The following IFTAP variants were observed in gnomAD, a reference collection of about 807,000 sequenced individuals.
IFTAP encodes intraflagellar transport associated protein.
A neutral mutation model predicts 19.4 loss-of-function variants in IFTAP; 19 were observed. That is an observed-to-expected ratio of 0.98 (90% confidence interval 0.68 to 1.44). The LOEUF (loss-of-function observed/expected upper bound fraction) is 1.44, where lower values mean the gene tolerates loss of function less well. Ranked by LOEUF, IFTAP falls within the 40% of genes most tolerant of loss-of-function variation. IFTAP has a pLI of 0.00. For missense variants in IFTAP, 240 were observed against 253.6 expected, an observed-to-expected ratio of 0.95 and a Z score of 0.36; for synonymous variants, 85 against 83.5, an observed-to-expected ratio of 1.02 and a Z score of -0.10.
At chr11:36,602,714 T>C (rs1003286128) in intron 1 of IFTAP, among the ~76,000 whole-genome samples, 1 of 152,152 alleles carries the variant, frequency 6.6e-6, no homozygotes, top group Non-Finnish European at 1.5e-5. Flanking sequence ...GGCTGAAATA[T>C]GGGTATGGCA....
chr11:36,610,297 G>T (rs1565008142), intron 2 of IFTAP, 58 bp downstream of exon 2: 4 of 1,459,024 alleles, frequency 2.7e-6, no homozygotes, highest in Non-Finnish European at 3.7e-6. Flanking sequence ...TATTATAAGT[G>T]TATGTTTTTG....
chr11:36,654,661 T>C (rs1400179624), intron 5 of IFTAP, among the ~76,000 whole-genome samples: 1 of 152,162 alleles, frequency 6.6e-6, no homozygotes, highest in African/African-American at 2.4e-5. Context: ...GTTTCAAGTT[T>C]GTATATTCAA....
chr11:36,653,499 T>C (rs2133540406), intron 5 of IFTAP, among the ~76,000 whole-genome samples: 1 of 152,304 alleles, frequency 6.6e-6, no homozygotes, highest in East Asian at 1.9e-4. Context: ...TAAATCATAA[T>C]TTCAGTTTGT....
At chr11:36,607,717 A>T (rs971859940) in intron 1 of IFTAP, among the ~76,000 whole-genome samples, 5 of 151,860 alleles carry the variant, frequency 3.3e-5, no homozygotes, top group Non-Finnish European at 7.4e-5. Context: ...CTTGTTGCCT[A>T]GGACGGAGTG....
At chr11:36,621,355 A>T (rs1031290087) in intron 2 of IFTAP, among the ~76,000 whole-genome samples, 1 of 151,998 alleles carries the variant, frequency 6.6e-6, no homozygotes, top group African/African-American at 2.4e-5. Context: ...CCAAACTCTT[A>T]TATGAAAATC....
chr11:36,653,375 A>G (rs1853828874), intron 5 of IFTAP, among the ~76,000 whole-genome samples: 1 of 152,198 alleles, frequency 6.6e-6, no homozygotes. Context: ...CCTGAAATCC[A>G]CATATTTCTT....
At chr11:36,645,025 G>A (rs1590230595) in intron 4 of IFTAP, among the ~76,000 whole-genome samples, 1 of 151,544 alleles carries the variant, frequency 6.6e-6, no homozygotes, top group African/African-American at 2.4e-5. Context: ...ATAAAGAAGT[G>A]ATCTGGACGG....
intron 2 of IFTAP, among the ~76,000 whole-genome samples, chr11:36,630,920 T>C (rs1852700839): frequency 6.6e-6 from 1 of 151,294 alleles, no homozygotes; most frequent in Admixed American, 6.6e-5. Context: ...CCTTTCATCC[T>C]TCAGTTAACT....
At chr11:36,598,366 T>G (rs1358485343) in intron 1 of IFTAP, 2 of 152,202 alleles carry the variant, frequency 1.3e-5, no homozygotes, top group East Asian at 3.9e-4. Flanking sequence ...GATTTAACTC[T>G]TTCACTACTA....
chr11:36,622,740 C>G (rs1416544230), intron 2 of IFTAP, among the ~76,000 whole-genome samples: 1 of 152,056 alleles, frequency 6.6e-6, no homozygotes, highest in Non-Finnish European at 1.5e-5. Flanking sequence ...GGTTCTATTT[C>G]TCTGATACGA....
intron 2 of IFTAP, among the ~76,000 whole-genome samples, chr11:36,628,536 G>T (rs1328455139): frequency 6.6e-6 from 1 of 151,226 alleles, no homozygotes; most frequent in Non-Finnish European, 1.5e-5. Context: ...TTCCTAGTTT[G>T]TAAACTCTGT....
rs532817333 is a variant in IFTAP at position 36,635,240 on chromosome 11, G to A, written c.292-811G>A. Among the ~76,000 whole-genome samples the A allele has an allele frequency of 2.6e-5, 4 of 152,228 alleles. No homozygotes were observed. The South Asian group carries it at 8.3e-4, about 32-fold the overall frequency. On this transcript the variant is annotated intron_variant, in intron 3 of 5. Coordinates refer to ENST00000334307, the MANE Select transcript of IFTAP (RefSeq NM_138787.4). ...CATGTTTAGGTCATGAGCATAAAAG[G>A]CATTGCAACCTTATTCCTTTACTAG...
At chr11:36,608,467 A>C (rs963315299) in intron 1 of IFTAP, among the ~76,000 whole-genome samples, 1 of 152,220 alleles carries the variant, frequency 6.6e-6, no homozygotes, top group African/African-American at 2.4e-5. Context: ...TATACTGGCT[A>C]CTTAGGCAGT....
At chr11:36,654,402 C>T (rs1418882627) in intron 5 of IFTAP, among the ~76,000 whole-genome samples, 3 of 151,956 alleles carry the variant, frequency 2.0e-5, no homozygotes, top group Admixed American at 6.6e-5. Context: ...AGGTTTGTTA[C>T]ACATGTATAC....
intron 2 of IFTAP, among the ~76,000 whole-genome samples, chr11:36,614,592 C>T (rs1851999428): frequency 6.7e-6 from 1 of 148,546 alleles, no homozygotes; most frequent in Non-Finnish European, 1.5e-5. Flanking sequence ...TGTTTCCTGA[C>T]TTTTTAATGA....
chr11:36,645,472 C>G (rs1022210970), intron 4 of IFTAP, among the ~76,000 whole-genome samples: 2 of 151,994 alleles, frequency 1.3e-5, no homozygotes, highest in Non-Finnish European at 1.5e-5. Context: ...GAAACAACAC[C>G]TATATGATCA....
chr11:36,659,203 G>GC lies in IFTAP; in HGVS notation c.*17_*18insC. 6.5e-7 allele frequency: 1 copy of GC among 1,541,796 alleles called. No homozygotes were observed. Among genetic ancestry groups the GC allele is most frequent in the Non-Finnish European group, 8.7e-7 (1 of 1,146,702 alleles). ...TGTGACTGATTCACAGAGGCATTTT[G>GC]TGTGTGTGTGCTTATTTTAATTTTG... On this transcript the variant is annotated 3_prime_UTR_variant, in exon 6 of 6. Transcript: ENST00000334307.
intron 2 of IFTAP, among the ~76,000 whole-genome samples, chr11:36,623,643 C>A (rs938745260): frequency 1.3e-5 from 2 of 152,156 alleles, no homozygotes; most frequent in Non-Finnish European, 2.9e-5. Context: ...GGGAAATGTC[C>A]TTGCTACTTC....
At chr11:36,615,335 G>A (rs1481817203) in intron 2 of IFTAP, among the ~76,000 whole-genome samples, 37 of 31,566 alleles carry the variant, frequency 1.2e-3, no homozygotes, top group Non-Finnish European at 1.6e-3. Context: ...TTGTAGTATA[G>A]TTTGAAGTCA....
Sources: gnomAD v4.1 joint callset for allele counts (sites outside exome capture counted in the v4.1 genomes callset) on GRCh38, gnomAD v4.1.1 for gene constraint, MANE v1.5 for transcripts, NCBI Gene and HGNC (gene_info 2026-07-23, HGNC 2026-07-21) for gene names.